TBX1: variants seen among roughly 807,000 people sequenced by gnomAD.
TBX1 encodes the protein T-box transcription factor 1.
TBX1 carries 16 observed loss-of-function variants against 40.8 expected under a neutral mutation model. That is an observed-to-expected ratio of 0.39 (90% confidence interval 0.27 to 0.60). The LOEUF is 0.60. Among genes scored for constraint, TBX1 ranks in the 20% least tolerant of loss-of-function variants. The pLI is 0.51. For missense variants in TBX1, 755 were observed against 728.5 expected, an observed-to-expected ratio of 1.04 and a Z score of -0.42; for synonymous variants, 403 against 336.8, an observed-to-expected ratio of 1.20 and a Z score of -2.15.
upstream of TBX1, among the ~76,000 whole-genome samples, chr22:19,759,088 A>G (rs1239781104): frequency 6.6e-6 from 1 of 152,004 alleles, no homozygotes; most frequent in Non-Finnish European, 1.5e-5. Context: ...GTGCCCTGCC[A>G]CCTCGGGCTA....
At position 19,761,935 on chromosome 22, in the gene TBX1, C is replaced by T. The variant is rs115505576; in HGVS notation, c.437+655C>T. ...TTTAAAGACCAAGAGACAAGGGGAACAAGTTTTGCAGATGCACCCGATTTG... is the reference window on the plus strand; with the variant it reads ...TTTAAAGACCAAGAGACAAGGGGAATAAGTTTTGCAGATGCACCCGATTTG... On this transcript the variant is annotated intron_variant, in intron 1 of 6. Transcript: ENST00000649276. 8.4e-3 allele frequency among the ~76,000 whole-genome samples: 1,276 copies of T among 152,316 alleles called. 17 individuals are homozygous for T. Among genetic ancestry groups the T allele is most frequent in the African/African-American group, 0.03 (1,230 of 41,554 alleles).
At chr22:19,769,340 C>T (rs1194408781), downstream of TBX1, among the ~76,000 whole-genome samples, 1 of 152,218 alleles carries the variant, frequency 6.6e-6, no homozygotes, top group South Asian at 2.1e-4. Flanking sequence ...GCTCACAGGC[C>T]GCGGGTCACC....
chr22:19,758,925 C>A (rs1936550285), upstream of TBX1, among the ~76,000 whole-genome samples: 2 of 152,184 alleles, frequency 1.3e-5, no homozygotes, highest in South Asian at 4.1e-4. Flanking sequence ...ACAGAGGACG[C>A]TGCGGCCCTG....
upstream of TBX1, chr22:19,759,594 G>C (rs1936574073): frequency 2.5e-6 from 4 of 1,606,538 alleles, no homozygotes; most frequent in East Asian, 2.3e-5. Context: ...CAGGGCTCAG[G>C]GTCCTCCGAC....
At chr22:19,759,161 C>T (rs994500479), upstream of TBX1, among the ~76,000 whole-genome samples, 1 of 152,192 alleles carries the variant, frequency 6.6e-6, no homozygotes, top group Non-Finnish European at 1.5e-5. Flanking sequence ...ACGGTGGCTT[C>T]GCTGCACAGA....
At chr22:19,770,269 T>G (rs1569027200), downstream of TBX1, among the ~76,000 whole-genome samples, 1 of 152,150 alleles carries the variant, frequency 6.6e-6, no homozygotes, top group Non-Finnish European at 1.5e-5. Context: ...AATAGATAGA[T>G]TCTTGACTAA....
downstream of TBX1, chr22:19,782,823 C>T: frequency 2.5e-6 from 4 of 1,609,376 alleles, no homozygotes; most frequent in Non-Finnish European, 2.5e-6. Flanking sequence ...CAAAGAGAAA[C>T]AAGGACAAGC....
rs371117651 is a variant in TBX1, at chr22:19,764,112, G to A, written c.540-43G>A. ...CCCAGCACACGGGTCAAGGCCCTCT[G>A]GGTTCACCTCCACATGCACGACCCC... is the stretch of plus-strand genomic sequence containing the variant. On this transcript the variant is annotated intron_variant, in intron 2 of 6. Transcript: ENST00000649276. 13 of 1,609,808 alleles carry A rather than the reference G, an allele frequency of 8.1e-6. No homozygotes were observed. The African/African-American group carries it at 1.5e-4, about 18-fold the overall frequency.
chr22:19,768,221 A>G (rs1936922676), downstream of TBX1, among the ~76,000 whole-genome samples: 1 of 152,226 alleles, frequency 6.6e-6, no homozygotes, highest in Non-Finnish European at 1.5e-5. Context: ...GTTTGTGGCA[A>G]CTGCTGCCTT....
chr22:19,763,841 G>A, intron 2 of TBX1: 1 of 517,058 alleles, frequency 1.9e-6, no homozygotes, highest in Middle Eastern at 5.2e-4. Flanking sequence ...GGCCAAGTGT[G>A]GGCTCCCACC....
intron 1 of TBX1, among the ~76,000 whole-genome samples, chr22:19,761,562 C>G (rs1028509443): frequency 7.9e-5 from 12 of 151,820 alleles, no homozygotes; most frequent in African/African-American, 2.4e-4. Flanking sequence ...CTCGCCCGCC[C>G]GCCCCGCAGC....
At chr22:19,770,000 G>A (rs1936961850), downstream of TBX1, among the ~76,000 whole-genome samples, 1 of 152,222 alleles carries the variant, frequency 6.6e-6, no homozygotes, top group South Asian at 2.1e-4. Context: ...CCTTCTGTAA[G>A]CTGCTGTGAT....
intron 8 of TBX1, among the ~76,000 whole-genome samples, chr22:19,775,631 A>G (rs986519090): frequency 6.6e-6 from 1 of 152,068 alleles, no homozygotes; most frequent in Non-Finnish European, 1.5e-5. Flanking sequence ...ACCTCCTGCA[A>G]TGCACGCTCG....
chr22:19,774,309 AG>A (rs1340152833), intron 8 of TBX1, among the ~76,000 whole-genome samples: 2 of 152,224 alleles, frequency 1.3e-5, no homozygotes, highest in Non-Finnish European at 2.9e-5. Flanking sequence ...GCTACTCAGG[AG>A]GCTGAGGCAG....
At chr22:19,758,954 G>A (rs1028878723), upstream of TBX1, among the ~76,000 whole-genome samples, 13 of 152,326 alleles carry the variant, frequency 8.5e-5, 1 homozygote, top group Admixed American at 8.5e-4. Context: ...GTCAGTGGCC[G>A]GTGCGAGAGC....
chr22:19,761,668 C>T (rs1936671165), intron 1 of TBX1, among the ~76,000 whole-genome samples: 1 of 152,222 alleles, frequency 6.6e-6, no homozygotes, highest in South Asian at 2.1e-4. Flanking sequence ...GCCCGGCCGA[C>T]TCCTAGTAAA....
chr22:19,779,531 C>A, exon 9 of TBX1: 1 of 1,527,466 alleles, frequency 6.5e-7, no homozygotes. Context: ...GAATAAAGTG[C>A]ATGTTTTGTA....
intron 4 of TBX1, among the ~76,000 whole-genome samples, chr22:19,765,462 C>T (rs921305280): frequency 6.6e-6 from 1 of 152,160 alleles, no homozygotes; most frequent in African/African-American, 2.4e-5. Flanking sequence ...CCCCACTGCA[C>T]GTGGGGGGTG....
chr22:19,775,941 A>G (rs1835217614), intron 8 of TBX1, among the ~76,000 whole-genome samples: 1 of 152,162 alleles, frequency 6.6e-6, no homozygotes, highest in South Asian at 2.1e-4. Context: ...GCTGGGCATC[A>G]GAAGGCTGGT....
Sources: allele counts gnomAD v4.1 joint callset (sites outside exome capture counted in the v4.1 genomes callset), GRCh38; gene constraint gnomAD v4.1.1; transcripts MANE v1.5; gene names NCBI Gene and HGNC (gene_info 2026-07-23, HGNC 2026-07-21).